Variants in CYFIP1 observed in about 807,000 individuals in gnomAD.
The protein encoded by CYFIP1 is cytoplasmic FMR1 interacting protein 1, also known as cytoplasmic FMR1-interacting protein 1.
Under a neutral mutation model 163.5 loss-of-function variants are expected in CYFIP1, and 58 were observed. The ratio of observed to expected loss-of-function variants is 0.35; its 90% CI spans 0.29 to 0.44. The LOEUF (loss-of-function observed/expected upper bound fraction) is 0.44, where lower values mean the gene tolerates loss of function less well. CYFIP1 is among the 20% of genes least tolerant of loss of function. CYFIP1 has a pLI of 1.00. For missense variants in CYFIP1, 1,338 were observed against 1,653.8 expected (o/e 0.81, Z 3.31); for synonymous variants, 663 against 660.7 (o/e 1.00, Z -0.05).
chr15:22,943,381 A>C (rs916645805), intron 5 of CYFIP1, 27 bp from the exon 6 acceptor site: 1 of 1,609,384 alleles, frequency 6.2e-7, no homozygotes, highest in African/African-American at 1.3e-5. Flanking sequence ...GGAGGGCAGA[A>C]AGCTGCAGGT....
At chr15:22,921,826 T>C (rs1344875240) in intron 13 of CYFIP1, among the ~76,000 whole-genome samples, 1 of 149,662 alleles carries the variant, frequency 6.7e-6, no homozygotes, top group African/African-American at 2.5e-5. Context: ...AAAGGGGACA[T>C]TAGCAGTTTA....
chr15:22,972,610 G>A (rs2063139922), intron 1 of CYFIP1, among the ~76,000 whole-genome samples: 1 of 152,154 alleles, frequency 6.6e-6, no homozygotes, highest in Non-Finnish European at 1.5e-5. Flanking sequence ...ATGAGAAAAG[G>A]ATAGGTTCTT....
At position 22,952,802 on chromosome 15, in the gene CYFIP1, A is replaced by C. The variant is rs372416278; in HGVS notation, c.-6-5511T>G. Among the ~76,000 whole-genome samples, 6 of 152,212 alleles carry C rather than the reference A, an allele frequency of 3.9e-5. No individual in the cohort carries two copies. The East Asian group carries it at 7.7e-4, about 20-fold the overall frequency. ...AAGAAAACCTATCATCAATCATCCC[A>C]CTGTCCCTTACAAAAACAAGATACT... On this transcript the variant is annotated intron_variant, in intron 1 of 30. Coordinates refer to ENST00000617928, the MANE Select transcript of CYFIP1 (RefSeq NM_014608.6).
At chr15:22,948,791 G>C (rs1043819029) in intron 1 of CYFIP1, among the ~76,000 whole-genome samples, 4 of 128,458 alleles carry the variant, frequency 3.1e-5, no homozygotes, top group East Asian at 2.5e-4. Context: ...AAAACTAAAA[G>C]ACACACTACT....
chr15:22,895,890 C>T (rs923146344), intron 22 of CYFIP1, among the ~76,000 whole-genome samples: 3 of 152,200 alleles, frequency 2.0e-5, no homozygotes, highest in Non-Finnish European at 2.9e-5. Flanking sequence ...GAGGGTGATG[C>T]GTCCCTGAGG....
intron 11 of CYFIP1, among the ~76,000 whole-genome samples, chr15:22,929,017 G>A (rs1422879577): frequency 1.3e-5 from 2 of 151,866 alleles, no homozygotes; most frequent in Non-Finnish European, 2.9e-5. Flanking sequence ...TCAGGAGTTC[G>A]AGATCAGCCT....
rs148145945 is a variant in CYFIP1 at position 22,951,192 on chromosome 15, G to A, written c.-6-3901C>T. 2.0e-4 allele frequency among the ~76,000 whole-genome samples: 30 copies of A among 152,292 alleles called. No individual in the cohort carries two copies. In the East Asian group the frequency reaches 5.2e-3, roughly 26 times the overall value. ...AACTGACTGGAAATGAGGGAGAACA[G>A]AGGCACCGGCCGCACCGCCAGCCAC... On this transcript the variant is annotated intron_variant, in intron 1 of 30. Transcript: ENST00000617928.
intron 25 of CYFIP1, among the ~76,000 whole-genome samples, 155 bp downstream of exon 25, chr15:22,881,691 G>A (rs2059767803): frequency 6.6e-6 from 1 of 152,138 alleles, no homozygotes; most frequent in Admixed American, 6.6e-5. Flanking sequence ...TGCAGACAGT[G>A]ACCCCAACAC....
At chr15:22,909,571 A>G (rs2060711334) in intron 20 of CYFIP1, among the ~76,000 whole-genome samples, 1 of 152,200 alleles carries the variant, frequency 6.6e-6, no homozygotes, top group Admixed American at 6.5e-5. Flanking sequence ...TTCTAACTAC[A>G]TAAAAATATG....
intron 6 of CYFIP1, among the ~76,000 whole-genome samples, chr15:22,942,503 A>G (rs1463589989): frequency 1.3e-5 from 2 of 152,094 alleles, no homozygotes; most frequent in Admixed American, 1.3e-4. Context: ...CAGCGCGCCG[A>G]GTGTCACCAA....
chr15:22,927,420 T>G (rs1245073507), intron 12 of CYFIP1, among the ~76,000 whole-genome samples: 1 of 144,794 alleles, frequency 6.9e-6, no homozygotes, highest in Non-Finnish European at 1.5e-5. Context: ...GAGGCAGAGG[T>G]TGCAGTGAGC....
Position 22,962,620 on chromosome 15 carries a change from T to C in CYFIP1, c.-6-15329A>G, listed in dbSNP as rs148372395. 5.2e-3 allele frequency among the ~76,000 whole-genome samples: 787 copies of C among 151,748 alleles called. 21 individuals carry two copies. In the East Asian group the frequency reaches 0.058, roughly 11 times the overall value. On this transcript the variant is annotated intron_variant, in intron 1 of 30. Transcript: ENST00000617928. ...GATTTCTCCATGTTGGTCAAGCTGG[T>C]CTCGAACTCCCGACCTCAGGTGATC...
chr15:22,951,209 G>T, intron 1 of CYFIP1: 1 of 566,840 alleles, frequency 1.8e-6, no homozygotes, highest in Middle Eastern at 5.5e-4. Context: ...CGGCCGCACC[G>T]CCAGCCACCT....
At chr15:22,914,906 T>C (rs374981730) in intron 16 of CYFIP1, 24 bp from the exon 17 acceptor site, 8 of 1,588,892 alleles carry the variant, frequency 5.0e-6, no homozygotes, top group Non-Finnish European at 5.1e-6. Context: ...AACAACTCCA[T>C]GTTATCTCCC....
chr15:22,914,695 A>G, intron 17 of CYFIP1, 31 bp downstream of exon 17: 1 of 1,580,880 alleles, frequency 6.3e-7, no homozygotes, highest in South Asian at 1.2e-5. Flanking sequence ...ACCACACACA[A>G]AGGCTGGAGA....
In CYFIP1 at chr15:22,915,743, C is replaced by T. The variant is rs370262518; in HGVS notation, c.1828+734G>A. 4.2e-4 allele frequency among the ~76,000 whole-genome samples: 64 copies of T among 152,074 alleles called. 1 individual carries two copies. Among genetic ancestry groups the T allele is most frequent in the African/African-American group, 1.3e-3 (56 of 41,486 alleles). On this transcript the variant is annotated intron_variant, in intron 16 of 30. Transcript: ENST00000617928. ...TAGCCTGGGTGACAGAGCAAGACTT[C>T]GTCTCAACAAAAAACAAAACAAAAA...
At chr15:22,870,358 T>C (rs2059399292) in intron 30 of CYFIP1, among the ~76,000 whole-genome samples, 166 bp from the exon 31 acceptor site, 1 of 152,012 alleles carries the variant, frequency 6.6e-6, no homozygotes, top group Non-Finnish European at 1.5e-5. Context: ...GGTCTCACTC[T>C]GACGCCCAGG....
chr15:22,923,898 CTG>C (rs1348849788), intron 13 of CYFIP1, among the ~76,000 whole-genome samples: 3 of 135,832 alleles, frequency 2.2e-5, no homozygotes, highest in African/African-American at 5.8e-5. Context: ...AGCCATAATC[CTG>C]CCACTGCACT....
chr15:22,935,524 A>G (rs892548840), intron 9 of CYFIP1, among the ~76,000 whole-genome samples: 30 of 152,332 alleles, frequency 2.0e-4, no homozygotes, highest in Middle Eastern at 3.4e-3. Context: ...AGATTTATTT[A>G]GGTGGACATT....
Sources: allele counts gnomAD v4.1 joint callset (sites outside exome capture counted in the v4.1 genomes callset), GRCh38; gene constraint gnomAD v4.1.1; transcripts MANE v1.5; gene names NCBI Gene and HGNC (gene_info 2026-07-23, HGNC 2026-07-21).